CAMK2D: variants seen among roughly 807,000 people sequenced by gnomAD.
CAMK2D encodes calcium/calmodulin dependent protein kinase II delta.
A neutral mutation model predicts 84.0 loss-of-function variants in CAMK2D; 37 were observed. The observed-to-expected ratio is 0.44, with a 90% CI of 0.34 to 0.58. CAMK2D has a LOEUF of 0.58. Ranked by LOEUF, CAMK2D falls within the 20% of genes least tolerant of loss-of-function variation. CAMK2D has a pLI of 0.02. For missense variants in CAMK2D, 448 were observed against 652.5 expected, an observed-to-expected ratio of 0.69 and a Z score of 3.41; for synonymous variants, 202 against 212.5, an observed-to-expected ratio of 0.95 and a Z score of 0.43.
chr4:113,743,477 A>G (rs2099597349), intron 2 of CAMK2D, among the ~76,000 whole-genome samples: 2 of 152,280 alleles, frequency 1.3e-5, no homozygotes, highest in South Asian at 4.1e-4. Flanking sequence ...TCCTTTCTAC[A>G]GTCTCCAAAG....
chr4:113,744,449 G>A (rs888447310), intron 2 of CAMK2D, among the ~76,000 whole-genome samples: 1 of 151,906 alleles, frequency 6.6e-6, no homozygotes, highest in African/African-American at 2.4e-5. Flanking sequence ...CCCTCCCTCA[G>A]AATTCAAATC....
chr4:113,621,567 A>G (rs1330882182), intron 3 of CAMK2D, among the ~76,000 whole-genome samples: 1 of 152,242 alleles, frequency 6.6e-6, no homozygotes, highest in Non-Finnish European at 1.5e-5. Context: ...AATGGGATAA[A>G]TGAGTAGCTT....
intron 3 of CAMK2D, among the ~76,000 whole-genome samples, chr4:113,631,871 G>A (rs1024696721): frequency 1.3e-5 from 2 of 151,094 alleles, no homozygotes; most frequent in Non-Finnish European, 2.9e-5. Flanking sequence ...CTATGATGGT[G>A]AAAATAATGT....
chr4:113,738,956 T>C (rs922982992), intron 2 of CAMK2D, among the ~76,000 whole-genome samples: 1 of 152,154 alleles, frequency 6.6e-6, no homozygotes, highest in African/African-American at 2.4e-5. Context: ...TTTTGATTTG[T>C]AAAAATAAAT....
At chr4:113,477,465 G>A (rs1391070042) in intron 16 of CAMK2D, among the ~76,000 whole-genome samples, 1 of 147,284 alleles carries the variant, frequency 6.8e-6, no homozygotes, top group East Asian at 2.0e-4. Context: ...GGCCCAGTTG[G>A]CCAGGTGCAG....
chr4:113,673,555 G>T (rs1481396654), intron 2 of CAMK2D, among the ~76,000 whole-genome samples: 1 of 152,194 alleles, frequency 6.6e-6, no homozygotes, highest in Non-Finnish European at 1.5e-5. Flanking sequence ...ATACCCAGAG[G>T]TCCCTAAGAG....
At chr4:113,579,905 C>A (rs2098800414) in intron 4 of CAMK2D, among the ~76,000 whole-genome samples, 1 of 152,162 alleles carries the variant, frequency 6.6e-6, no homozygotes, top group African/African-American at 2.4e-5. Context: ...TTTCCAAATA[C>A]AGGTTTCCCA....
intron 2 of CAMK2D, among the ~76,000 whole-genome samples, chr4:113,746,326 G>A (rs1190541401): frequency 6.6e-6 from 1 of 152,116 alleles, no homozygotes; most frequent in Non-Finnish European, 1.5e-5. Context: ...AAAGTTTGTA[G>A]AAGGTCAACA....
chr4:113,591,793 G>C (rs535481711), intron 4 of CAMK2D, among the ~76,000 whole-genome samples: 12 of 152,144 alleles, frequency 7.9e-5, no homozygotes, highest in Admixed American at 1.3e-4. Flanking sequence ...GTTCTTCTTG[G>C]CATTGCAGGG....
chr4:113,655,138 A>T (rs1167608496), intron 3 of CAMK2D, among the ~76,000 whole-genome samples: 1 of 152,104 alleles, frequency 6.6e-6, no homozygotes, highest in East Asian at 1.9e-4. Flanking sequence ...AAAAAAGGCA[A>T]ATATTTTCTC....
intron 3 of CAMK2D, among the ~76,000 whole-genome samples, chr4:113,650,476 C>T (rs1474218613): frequency 1.4e-5 from 2 of 146,818 alleles, no homozygotes; most frequent in Admixed American, 6.9e-5. Context: ...GAGATCGTGA[C>T]ACTGCACTCT....
chr4:113,562,905 G>GTAGCTT (rs2098704905), intron 4 of CAMK2D, among the ~76,000 whole-genome samples: 4 of 152,138 alleles, frequency 2.6e-5, no homozygotes, highest in Non-Finnish European at 1.5e-5. Context: ...ACACTTAGTA[G>GTAGCTT]TAGCTTTGTC....
chr4:113,478,195 T>A (rs531473003), intron 16 of CAMK2D, among the ~76,000 whole-genome samples: 11 of 152,290 alleles, frequency 7.2e-5, no homozygotes, highest in African/African-American at 2.6e-4. Flanking sequence ...AGGTTATCGC[T>A]GGCACTTGCA....
intron 16 of CAMK2D, among the ~76,000 whole-genome samples, chr4:113,467,189 T>G (rs2097484793): frequency 6.6e-6 from 1 of 152,220 alleles, no homozygotes; most frequent in South Asian, 2.1e-4. Context: ...TCACAAAATG[T>G]TACTTCCCAT....
chr4:113,566,709 G>A (rs927260346), intron 4 of CAMK2D, among the ~76,000 whole-genome samples: 1 of 152,048 alleles, frequency 6.6e-6, no homozygotes, highest in Non-Finnish European at 1.5e-5. Flanking sequence ...TTTTCTCAGG[G>A]CTGTACCCAT....
At chr4:113,490,179 G>A (rs28802616) in intron 16 of CAMK2D, among the ~76,000 whole-genome samples, 29,438 of 143,884 alleles carry the variant, frequency 0.2, 3,312 homozygotes, top group African/African-American at 0.27. Context: ...GGCTTTTGTT[G>A]CCATTGCTTT....
intron 3 of CAMK2D, among the ~76,000 whole-genome samples, chr4:113,645,127 C>T (rs1401146223): frequency 2.0e-5 from 3 of 152,182 alleles, no homozygotes; most frequent in Non-Finnish European, 4.4e-5. Context: ...CGCCATTCTC[C>T]TGCCTTAGCC....
intron 2 of CAMK2D, among the ~76,000 whole-genome samples, chr4:113,755,687 G>A (rs1241333967): frequency 1.3e-5 from 2 of 151,898 alleles, no homozygotes; most frequent in African/African-American, 4.8e-5. Flanking sequence ...ATTCTGAACT[G>A]CAGTCACAGC....
At chr4:113,588,019 G>C (rs2098841965) in intron 4 of CAMK2D, among the ~76,000 whole-genome samples, 1 of 151,888 alleles carries the variant, frequency 6.6e-6, no homozygotes, top group South Asian at 2.1e-4. Context: ...TTCTGGAAAG[G>C]GTTGAATAGT....
Sources: allele counts gnomAD v4.1 joint callset (sites outside exome capture counted in the v4.1 genomes callset), GRCh38; gene constraint gnomAD v4.1.1; transcripts MANE v1.5; gene names NCBI Gene and HGNC (gene_info 2026-07-23, HGNC 2026-07-21).